The following PCDH17 variants were observed in gnomAD, a reference collection of about 807,000 sequenced individuals.
PCDH17 encodes the protein protocadherin-17.
In PCDH17, 21 loss-of-function variants were observed where a neutral mutation model predicts 67.7. That is an observed-to-expected ratio of 0.31 (90% CI 0.22 to 0.45). The LOEUF (loss-of-function observed/expected upper bound fraction) is 0.45, where lower values mean the gene tolerates loss of function less well. PCDH17 is among the 20% of genes least tolerant of loss of function. The pLI is 1.00. For missense variants in PCDH17, 1,471 were observed against 1,564.8 expected (o/e 0.94, Z 1.01); for synonymous variants, 701 against 656.7 (o/e 1.07, Z -1.03).
At chr13:57,704,733 C>T (rs1411472770) in intron 3 of PCDH17, among the ~76,000 whole-genome samples, 1 of 151,960 alleles carries the variant, frequency 6.6e-6, no homozygotes, top group Admixed American at 6.6e-5. Context: ...AAACATTCTA[C>T]TTTGAACAAT....
chr13:57,703,751 T>C (rs1955690157), intron 3 of PCDH17, among the ~76,000 whole-genome samples: 1 of 152,164 alleles, frequency 6.6e-6, no homozygotes, highest in African/African-American at 2.4e-5. Flanking sequence ...TATTTAGTAC[T>C]GTAGTTCAGC....
At chr13:57,694,482 A>T (rs911281829) in intron 3 of PCDH17, among the ~76,000 whole-genome samples, 4 of 151,132 alleles carry the variant, frequency 2.6e-5, no homozygotes, top group Non-Finnish European at 4.5e-5. Context: ...CTATTAAAAA[A>T]ATGCATGTCC....
intron 3 of PCDH17, among the ~76,000 whole-genome samples, chr13:57,700,900 G>A (rs1402745309): frequency 2.0e-5 from 3 of 152,046 alleles, no homozygotes; most frequent in Non-Finnish European, 4.4e-5. Context: ...CTGGTGATGT[G>A]TGCTTGTACT....
At chr13:57,647,098 GC>G (rs1954974518) in intron 1 of PCDH17, among the ~76,000 whole-genome samples, 1 of 151,710 alleles carries the variant, frequency 6.6e-6, no homozygotes, top group Non-Finnish European at 1.5e-5. Context: ...AAAAAATACA[GC>G]TTGGACATCT....
chr13:57,700,337 T>G (rs1160191148), intron 3 of PCDH17, among the ~76,000 whole-genome samples: 2 of 147,934 alleles, frequency 1.4e-5, no homozygotes, highest in Non-Finnish European at 3.0e-5. Flanking sequence ...TTTTTTTTTT[T>G]GAGACCAAGT....
chr13:57,633,257 C>A lies in PCDH17; in HGVS notation c.711C>A (p.Asn237Lys). The A allele has an allele frequency of 6.2e-7, 1 of 1,613,330 alleles. No individual in the cohort carries two copies. Among genetic ancestry groups the A allele is most frequent in the Non-Finnish European group, 8.5e-7 (1 of 1,180,014 alleles). Residue 237 changes from asparagine to lysine, a missense_variant, in exon 1 of 4, where the codon AAC becomes AAA. Asn to Lys is a moderately conservative substitution (Grantham distance 94). This residue lies in a region of PCDH17 where 1,163 missense variants were observed against 1,230.0 expected (regional missense o/e 0.95). Transcript: ENST00000377918. The surrounding 1 kb of genome is among the most constrained non-coding windows in gnomAD (Gnocchi z 6.2). ...TCAACGTGAAGGTGATTGACTCCAA[C>A]GACAACAGCCCGGTCTTCGAGGCGC... Reference protein sequence around the residue: ...VQINVKVIDSNDNSPVFEAPS... With the variant: ...VQINVKVIDSKDNSPVFEAPS...
At chr13:57,723,045 A>G (rs1231989834) in intron 3 of PCDH17, among the ~76,000 whole-genome samples, 1 of 152,210 alleles carries the variant, frequency 6.6e-6, no homozygotes, top group Non-Finnish European at 1.5e-5. Context: ...ATTTGTAGAT[A>G]GTATTTGCGT....
intron 1 of PCDH17, among the ~76,000 whole-genome samples, chr13:57,646,429 A>C (rs920318002): frequency 4.0e-5 from 6 of 151,638 alleles, no homozygotes; most frequent in African/African-American, 1.2e-4. Context: ...ATTTGTGCAA[A>C]TTTATGGGGT....
At chr13:57,675,806 G>A (rs1955385577) in intron 3 of PCDH17, among the ~76,000 whole-genome samples, 1 of 151,904 alleles carries the variant, frequency 6.6e-6, no homozygotes, top group South Asian at 2.1e-4. Flanking sequence ...AGGTAACATT[G>A]CAAACTTGCA....
chr13:57,641,137 A>G (rs1460564624), intron 1 of PCDH17, among the ~76,000 whole-genome samples: 3 of 151,842 alleles, frequency 2.0e-5, no homozygotes, highest in Admixed American at 1.3e-4. Flanking sequence ...GCACTTTTAA[A>G]CTTCGTCAGA....
chr13:57,645,715 AC>A (rs1327671849), intron 1 of PCDH17, among the ~76,000 whole-genome samples: 1 of 151,010 alleles, frequency 6.6e-6, no homozygotes, highest in East Asian at 1.9e-4. Flanking sequence ...TAATATATAC[AC>A]ACACACTTAT....
intron 3 of PCDH17, among the ~76,000 whole-genome samples, chr13:57,688,276 A>ACCCTCCAG (rs1263189804): frequency 2.6e-5 from 4 of 151,866 alleles, no homozygotes; most frequent in African/African-American, 9.6e-5. Flanking sequence ...CTGCACTCCA[A>ACCCTCCAG]CCCTCCAGCC....
Position 57,725,299 on chromosome 13 carries a change from A to AG in PCDH17, c.*6dup, listed in dbSNP as rs765247332. On this transcript the variant is annotated 3_prime_UTR_variant, in exon 4 of 4. Transcript: ENST00000377918. ...CCTGTGGCTGTGAGAAAGTGAAAAAAGAAAAAAAAAAAGGCATTGGCATTT... is the reference window on the plus strand; with the variant it reads ...CCTGTGGCTGTGAGAAAGTGAAAAAAGGAAAAAAAAAAAGGCATTGGCATTT... 2.3e-5 allele frequency: 35 copies of AG among 1,534,370 alleles called. No individual in the cohort carries two copies. The highest frequency in any genetic ancestry group is 3.5e-4 in the Middle Eastern group (2 of 5,744).
intron 3 of PCDH17, among the ~76,000 whole-genome samples, chr13:57,718,430 C>T (rs1955842209): frequency 6.6e-6 from 1 of 151,848 alleles, no homozygotes; most frequent in Non-Finnish European, 1.5e-5. Context: ...ATAGTGAGAA[C>T]AGAATATTCA....
In PCDH17 at chr13:57,634,562, C is replaced by A; in HGVS notation, c.2016C>A (p.Thr672=). 6.2e-7 allele frequency: 1 copy of A among 1,613,240 alleles called. No homozygotes were observed. Among genetic ancestry groups the A allele is most frequent in the Non-Finnish European group, 8.5e-7 (1 of 1,179,984 alleles). Residue 672 remains threonine, a synonymous_variant, in exon 1 of 4, where the codon ACC becomes ACA. Transcript: ENST00000377918. The surrounding 1 kb of genome is among the most constrained non-coding windows in gnomAD (Gnocchi z 7.8). ...VVKVTDHGKP[T]LSAVAKLIIR... is the part of the protein sequence containing the mutation. ...AGGTGACCGACCACGGCAAGCCTAC[C>A]CTGTCCGCAGTGGCCAAGCTCATCA...
chr13:57,650,139 T>C (rs1955016766), intron 1 of PCDH17, among the ~76,000 whole-genome samples: 1 of 151,944 alleles, frequency 6.6e-6, no homozygotes, highest in Admixed American at 6.6e-5. Context: ...AAACAAAACA[T>C]ATAATTAAGT....
In PCDH17 at chr13:57,689,835, GA is replaced by G. The variant is rs905000752; in HGVS notation, c.2797+23008del. Among the ~76,000 whole-genome samples the G allele has an allele frequency of 2.6e-5, 4 of 151,638 alleles. No individual in the cohort carries two copies. The East Asian group carries it at 7.8e-4, about 29-fold the overall frequency. On this transcript the variant is annotated intron_variant, in intron 3 of 3. Coordinates refer to ENST00000377918, the MANE Select transcript of PCDH17 (RefSeq NM_001040429.3). ...TTATTGATGCATACCTCTATTCTGG[GA>G]AAAAATAATATGTATACACATACAT...
intron 3 of PCDH17, among the ~76,000 whole-genome samples, chr13:57,667,573 TAAAAAGTGA>T (rs967894480): frequency 6.6e-6 from 1 of 151,914 alleles, no homozygotes; most frequent in Non-Finnish European, 1.5e-5. Flanking sequence ...TGTCCTATTG[TAAAAAGTGA>T]AAAGAACTGT....
upstream of PCDH17, among the ~76,000 whole-genome samples, chr13:57,631,504 C>G (rs1427386790): frequency 6.6e-6 from 1 of 152,092 alleles, no homozygotes; most frequent in Non-Finnish European, 1.5e-5. Context: ...TCCTTGCTCG[C>G]GGGGAGAGGA....
Sources: allele counts gnomAD v4.1 joint callset (sites outside exome capture counted in the v4.1 genomes callset), GRCh38; gene constraint gnomAD v4.1.1; regional missense constraint gnomAD v4.1.1; non-coding constraint Gnocchi (gnomAD v3.1); transcripts MANE v1.5; gene names NCBI Gene and HGNC (gene_info 2026-07-23, HGNC 2026-07-21).